CYB561D1: variants seen among roughly 807,000 people sequenced by gnomAD.
CYB561D1 encodes cytochrome b561 family member D1.
A neutral mutation model predicts 19.2 loss-of-function variants in CYB561D1; 15 were observed. The ratio of observed to expected loss-of-function variants is 0.78; its 90% confidence interval spans 0.52 to 1.20. CYB561D1 has a LOEUF of 1.20. CYB561D1 is among the 50% of genes most tolerant of loss of function. The probability of loss-of-function intolerance (pLI) is 0.00; values close to 1 mark genes in which losing one functional copy is unlikely to be tolerated. For missense variants in CYB561D1, 297 were observed against 287.3 expected (o/e 1.03, Z -0.24); for synonymous variants, 133 against 120.6 (o/e 1.10, Z -0.68).
rs1012515275 is a variant in CYB561D1, at chr1:109,497,196, T to G, written c.*937T>G. 1 of 152,544 alleles carries G rather than the reference T, an allele frequency of 6.6e-6. No homozygotes were observed. Among genetic ancestry groups the G allele is most frequent in the Non-Finnish European group, 1.5e-5 (1 of 68,068 alleles). The allele number at this position is 152,544 out of a possible 1,614,324, so 9.4% of individuals were successfully genotyped here. Reference sequence around the variant, plus strand: ...GCGCTCCCTCCCCCGAAATCACTTCTCAGGGCAAAGGAGCCCCAGGCATCT... The same window carrying G: ...GCGCTCCCTCCCCCGAAATCACTTCGCAGGGCAAAGGAGCCCCAGGCATCT... On this transcript the variant is annotated 3_prime_UTR_variant, in exon 3 of 3. Coordinates refer to ENST00000420578, the MANE Select transcript of CYB561D1 (RefSeq NM_182580.3).
rs1257969894 is a variant in CYB561D1, at chr1:109,499,821, A to T, written c.*3562A>T. 6.6e-6 allele frequency: 1 copy of T among 152,138 alleles called. No homozygotes were observed. The highest frequency in any genetic ancestry group is 1.5e-5 in the Non-Finnish European group (1 of 68,054). 9.4% of individuals were successfully genotyped at this position (152,138 alleles called of 1,614,324 possible). A position where few individuals can be genotyped will look rare whatever the true frequency, so the allele number is the denominator to read the frequency against. On this transcript the variant is annotated 3_prime_UTR_variant, in exon 3 of 3. Transcript: ENST00000420578. ...TTGCAGGCTGAGTCAGTCAGCCCTCACCTTCCCCCTCCTTCCTGGGCTGCA... is the reference window on the plus strand; with the variant it reads ...TTGCAGGCTGAGTCAGTCAGCCCTCTCCTTCCCCCTCCTTCCTGGGCTGCA...
chr1:109,495,236 G>T lies in CYB561D1; in HGVS notation c.186+56G>T. 4 of 1,590,340 alleles carry T rather than the reference G, an allele frequency of 2.5e-6. No individual in the cohort carries two copies. The Admixed American group carries it at 6.7e-5, about 27-fold the overall frequency. On this transcript the variant is annotated intron_variant, in intron 2 of 2. Transcript: ENST00000420578. ...GGTATTCCTCACCTCATTCTCCCAGGGAAGCACCCAGCTTTCAGAAAGCTC... is the reference window on the plus strand; with the variant it reads ...GGTATTCCTCACCTCATTCTCCCAGTGAAGCACCCAGCTTTCAGAAAGCTC...
chr1:109,496,175 C>T lies in CYB561D1; in HGVS notation c.606C>T (p.Cys202=). ...AQIKGAAWYL[C]LALPVYPALV... is the part of the protein sequence containing the mutation. ...TCAAAGGTGCGGCCTGGTACCTGTG[C>T]CTGGCACTGCCCGTCTATCCAGCCC... Residue 202 remains cysteine, a synonymous_variant, in exon 3 of 3, where the codon TGC becomes TGT. Transcript: ENST00000420578. 1 of 1,611,518 alleles carries T rather than the reference C, an allele frequency of 6.2e-7. No homozygotes were observed. Among genetic ancestry groups the T allele is most frequent in the Non-Finnish European group, 8.5e-7 (1 of 1,177,784 alleles).
At position 109,497,373 on chromosome 1, in the gene CYB561D1, T is replaced by C. The variant is rs953914336; in HGVS notation, c.*1114T>C. 6.6e-6 allele frequency: 1 copy of C among 152,262 alleles called. No individual in the cohort carries two copies. Among genetic ancestry groups the C allele is most frequent in the Non-Finnish European group, 1.5e-5 (1 of 68,056 alleles). 9.4% of individuals were successfully genotyped at this position (152,262 alleles called of 1,614,324 possible). On this transcript the variant is annotated 3_prime_UTR_variant, in exon 3 of 3. Coordinates refer to ENST00000420578, the MANE Select transcript of CYB561D1 (RefSeq NM_182580.3). ...TCTCTGGTTACCCCTCTTCCCTTGT[T>C]ATCTAAGCTTTCCTCAGTTGTCATC...
intron 1 of CYB561D1, 136 bp downstream of exon 1, chr1:109,494,423 G>C (rs1258212816): frequency 2.6e-6 from 4 of 1,543,400 alleles, no homozygotes; most frequent in Admixed American, 4.0e-5. Context: ...GATTTTGAGG[G>C]CCTGGTGGGG....
At position 109,496,523 on chromosome 1, in the gene CYB561D1, G is replaced by A; in HGVS notation, c.*264G>A. 1 of 324,504 alleles carries A rather than the reference G, an allele frequency of 3.1e-6. No individual in the cohort carries two copies. Among genetic ancestry groups the A allele is most frequent in the East Asian group, 5.3e-5 (1 of 18,794 alleles). The allele number at this position is 324,504 out of a possible 1,614,324, so 20.1% of individuals were successfully genotyped here. On this transcript the variant is annotated 3_prime_UTR_variant, in exon 3 of 3. Coordinates refer to ENST00000420578, the MANE Select transcript of CYB561D1 (RefSeq NM_182580.3). Reference sequence around the variant, plus strand: ...AGAGACAGAGTTTTGGGTGGTGATAGTGATGTGCTGGTGGTCATTTCTTGC... The same window carrying A: ...AGAGACAGAGTTTTGGGTGGTGATAATGATGTGCTGGTGGTCATTTCTTGC...
chr1:109,495,748 G>A lies in CYB561D1; in HGVS notation c.187-8G>A. The A allele has an allele frequency of 1.2e-6, 2 of 1,614,170 alleles. No homozygotes were observed. The highest frequency in any genetic ancestry group is 1.1e-5 in the South Asian group (1 of 91,082). On this transcript the variant is annotated splice_polypyrimidine_tract_variant and splice_region_variant and intron_variant, in intron 2 of 2. Coordinates refer to ENST00000420578, the MANE Select transcript of CYB561D1 (RefSeq NM_182580.3). ...ATGAGGCTTACTGGCTCTCTCCTATGTTCACAGTTCTGCCTCTGCATGGCT... is the reference window on the plus strand; with the variant it reads ...ATGAGGCTTACTGGCTCTCTCCTATATTCACAGTTCTGCCTCTGCATGGCT...
Position 109,500,022 on chromosome 1 carries a change from A to G in CYB561D1, c.*3763A>G, listed in dbSNP as rs1316611946. On this transcript the variant is annotated 3_prime_UTR_variant, in exon 3 of 3. Coordinates refer to ENST00000420578, the MANE Select transcript of CYB561D1 (RefSeq NM_182580.3). The stretch of plus-strand genomic sequence containing the variant: ...GGAACACAGTGTATGCTAGGCTGAG[A>G]CCTATGGTGGTGGCAGGGGTGGCTG... 1 of 152,294 alleles carries G rather than the reference A, an allele frequency of 6.6e-6. No homozygotes were observed. Among genetic ancestry groups the G allele is most frequent in the Non-Finnish European group, 1.5e-5 (1 of 68,090 alleles). 9.4% of individuals were successfully genotyped at this position (152,294 alleles called of 1,614,324 possible).
Position 109,498,253 on chromosome 1 carries a change from G to GGGCGGGCA in CYB561D1, c.*1999_*2006dup, listed in dbSNP as rs1260646268. The GGGCGGGCA allele has an allele frequency of 6.6e-6, 1 of 152,278 alleles. No individual in the cohort carries two copies. The highest frequency in any genetic ancestry group is 2.4e-5 in the African/African-American group (1 of 41,446). 9.4% of individuals were successfully genotyped at this position (152,278 alleles called of 1,614,324 possible). On this transcript the variant is annotated 3_prime_UTR_variant, in exon 3 of 3. Transcript: ENST00000420578. Reference sequence around the variant, plus strand: ...CCAGGTGGTGCGGGGGCTGGTGGGCGGGCGGGCAGGCGTGCTGACAGCCGG... The same window carrying GGGCGGGCA: ...CCAGGTGGTGCGGGGGCTGGTGGGCGGGCGGGCAGGCGGGCAGGCGTGCTGACAGCCGG...
intron 1 of CYB561D1, chr1:109,494,671 T>C (rs769822766): frequency 7.1e-5 from 69 of 971,398 alleles, no homozygotes; most frequent in Non-Finnish European, 9.4e-5. Flanking sequence ...ACCCCGTCTC[T>C]ACTAAGAATA....
rs1459560870 is a variant in CYB561D1, at chr1:109,494,218, G to A, written c.79G>A (p.Gly27Arg). 1.9e-6 allele frequency: 3 copies of A among 1,568,210 alleles called. No homozygotes were observed. Among genetic ancestry groups the A allele is most frequent in the East Asian group, 4.7e-5 (2 of 42,142 alleles). ...RLTRWLRRGS[G>R]ILAHLVALGF... ...GACCCGCTGGCTGCGGAGAGGCAGT[G>A]GGATCTTGGCGCACCTGGTAGCTTT... is the stretch of plus-strand genomic sequence containing the variant. Residue 27 changes from glycine to arginine, a missense_variant, in exon 1 of 3, where the codon GGG (glycine) becomes AGG (arginine). Coordinates refer to ENST00000420578, the MANE Select transcript of CYB561D1 (RefSeq NM_182580.3).
chr1:109,496,415 A>C lies in CYB561D1; in HGVS notation c.*156A>C. 3.8e-6 allele frequency: 3 copies of C among 788,446 alleles called. No individual in the cohort carries two copies. The South Asian group carries it at 6.5e-5, about 17-fold the overall frequency. 48.8% of individuals were successfully genotyped at this position (788,446 alleles called of 1,614,324 possible). On this transcript the variant is annotated 3_prime_UTR_variant, in exon 3 of 3. Transcript: ENST00000420578. ...ACCAAAGCTGCTATTGTTGAGGAAT[A>C]ATTCAGTGGGTCAAAATGGGGAGAT...
In CYB561D1 at chr1:109,495,096, C is replaced by T. The variant is rs181590241; in HGVS notation, c.149-47C>T. 2.5e-5 allele frequency: 40 copies of T among 1,607,968 alleles called. No individual in the cohort carries two copies. In the East Asian group the frequency reaches 7.8e-4, roughly 31 times the overall value. On this transcript the variant is annotated intron_variant, in intron 1 of 2. Coordinates refer to ENST00000420578, the MANE Select transcript of CYB561D1 (RefSeq NM_182580.3). ...TTTGGGTTCCACCTAGCTACAGGGGCAGGAACAATGGTACCAAGCCCTCAG... is the reference window on the plus strand; with the variant it reads ...TTTGGGTTCCACCTAGCTACAGGGGTAGGAACAATGGTACCAAGCCCTCAG...
Position 109,498,604 on chromosome 1 carries a change from C to T in CYB561D1, c.*2345C>T, listed in dbSNP as rs1222803578. On this transcript the variant is annotated 3_prime_UTR_variant, in exon 3 of 3. Transcript: ENST00000420578. ...GGGCAGCAGCTGGACAGCCATTAGACCTCAGTGCCAGGGCACTCTTCCTCC... is the reference window on the plus strand; with the variant it reads ...GGGCAGCAGCTGGACAGCCATTAGATCTCAGTGCCAGGGCACTCTTCCTCC... 6.6e-6 allele frequency: 1 copy of T among 152,222 alleles called. No individual in the cohort carries two copies. Among genetic ancestry groups the T allele is most frequent in the African/African-American group, 2.4e-5 (1 of 41,422 alleles). 9.4% of individuals were successfully genotyped at this position (152,222 alleles called of 1,614,324 possible). A position where few individuals can be genotyped will look rare whatever the true frequency, so the allele number is the denominator to read the frequency against.
intron 2 of CYB561D1, among the ~76,000 whole-genome samples, chr1:109,495,434 G>C (rs546836323): frequency 2.0e-4 from 31 of 152,340 alleles, no homozygotes; most frequent in Middle Eastern, 3.4e-3. Context: ...AAAGGAGAAG[G>C]GGGGAGAGGT....
rs1331054088 is a variant in CYB561D1 at position 109,495,802 on chromosome 1, A to G, written c.233A>G (p.His78Arg). 7 of 1,613,682 alleles carry G rather than the reference A, an allele frequency of 4.3e-6. No individual in the cohort carries two copies. The highest frequency in any genetic ancestry group is 5.9e-6 in the Non-Finnish European group (7 of 1,179,940). Residue 78 changes from histidine to arginine, a missense_variant, in exon 3 of 3, where the codon CAC (histidine) becomes CGC (arginine). His to Arg is a conservative substitution (Grantham distance 29). Transcript: ENST00000420578. ...GCCATCCTACTCTTCTCACCTGAAC[A>G]CTCCCTGTTCTTCTTCTGCTCCCGA... Reference protein sequence around the residue: ...AEAILLFSPEHSLFFFCSRKA... With the variant: ...AEAILLFSPERSLFFFCSRKA...
Position 109,494,457 on chromosome 1 carries a change from A to G in CYB561D1, c.148+170A>G, listed in dbSNP as rs112975129. ...GGCGGGGCCCCAGGGATCCTGGAAT[A>G]ATGGGGTTTTGGGTGCTGTGGGGGA... On this transcript the variant is annotated intron_variant, in intron 1 of 2. Coordinates refer to ENST00000420578, the MANE Select transcript of CYB561D1 (RefSeq NM_182580.3). The G allele has an allele frequency of 2.8e-4, 439 of 1,548,056 alleles. No individual in the cohort carries two copies. In the African/African-American group the frequency reaches 5.6e-3, roughly 20 times the overall value.
rs764461430 is a variant in CYB561D1 at position 109,500,114 on chromosome 1, C to T, written c.*3855C>T. 2 of 152,276 alleles carry T rather than the reference C, an allele frequency of 1.3e-5. No individual in the cohort carries two copies. Among genetic ancestry groups the T allele is most frequent in the Non-Finnish European group, 2.9e-5 (2 of 68,062 alleles). The allele number at this position is 152,276 out of a possible 1,614,324, so 9.4% of individuals were successfully genotyped here. A position where few individuals can be genotyped will look rare whatever the true frequency, so the allele number is the denominator to read the frequency against. On this transcript the variant is annotated 3_prime_UTR_variant, in exon 3 of 3. Coordinates refer to ENST00000420578, the MANE Select transcript of CYB561D1 (RefSeq NM_182580.3). ...ACCTGGCTTGGCCTACAGGGGGCAC[C>T]CCTGGTCTTGATGCCTCAAGCCCAG...
Position 109,496,588 on chromosome 1 carries a change from A to G in CYB561D1, c.*329A>G. 4.6e-6 allele frequency: 1 copy of G among 217,976 alleles called. No homozygotes were observed. Among genetic ancestry groups the G allele is most frequent in the South Asian group, 1.1e-4 (1 of 8,990 alleles). 13.5% of individuals were successfully genotyped at this position (217,976 alleles called of 1,614,324 possible). A position where few individuals can be genotyped will look rare whatever the true frequency, so the allele number is the denominator to read the frequency against. On this transcript the variant is annotated 3_prime_UTR_variant, in exon 3 of 3. Coordinates refer to ENST00000420578, the MANE Select transcript of CYB561D1 (RefSeq NM_182580.3). The stretch of plus-strand genomic sequence containing the variant: ...AAAAACTGGGTTCCTGTAAGTTATG[A>G]ATGGCATCCAGGGATATTTGGGTTA...
Sources: allele counts gnomAD v4.1 joint callset (sites outside exome capture counted in the v4.1 genomes callset), GRCh38; gene constraint gnomAD v4.1.1; transcripts MANE v1.5; gene names NCBI Gene and HGNC (gene_info 2026-07-23, HGNC 2026-07-21).